The following SUCLG2 variants were observed in gnomAD, a reference collection of about 807,000 sequenced individuals.
SUCLG2 encodes the protein succinate--CoA ligase [GDP-forming] subunit beta, mitochondrial.
In SUCLG2, 42 loss-of-function variants were observed where a neutral mutation model predicts 47.9. The observed-to-expected ratio is 0.88, with a 90% confidence interval of 0.69 to 1.14. The LOEUF (loss-of-function observed/expected upper bound fraction) is 1.14. Ranked by LOEUF, SUCLG2 falls within the 50% of genes most tolerant of loss-of-function variation. The probability of loss-of-function intolerance (pLI) is 0.00; values close to 1 mark genes in which losing one functional copy is unlikely to be tolerated. For synonymous variants in SUCLG2, 195 were observed against 197.3 expected, an observed-to-expected ratio of 0.99 and a Z score of 0.10; for missense variants, 571 against 525.9, an observed-to-expected ratio of 1.09 and a Z score of -0.84.
intron 9 of SUCLG2, among the ~76,000 whole-genome samples, chr3:67,475,031 G>C (rs1380956125): frequency 6.6e-6 from 1 of 150,780 alleles, no homozygotes; most frequent in Non-Finnish European, 1.5e-5. Context: ...GAAAAATCAT[G>C]CTTCCCAGAA....
chr3:67,617,154 A>T (rs905249370), intron 1 of SUCLG2, among the ~76,000 whole-genome samples: 1 of 152,240 alleles, frequency 6.6e-6, no homozygotes, highest in African/African-American at 2.4e-5. Context: ...TCTCAATATA[A>T]GTGTCATAAA....
In SUCLG2 at chr3:67,544,969, C is replaced by T. The variant is rs921667433; in HGVS notation, c.227-15783G>A. Among the ~76,000 whole-genome samples the T allele has an allele frequency of 6.6e-5, 10 of 152,210 alleles. No homozygotes were observed. In the East Asian group the frequency reaches 1.9e-3, roughly 29 times the overall value. On this transcript the variant is annotated intron_variant, in intron 2 of 10. Transcript: ENST00000307227. The stretch of plus-strand genomic sequence containing the variant: ...TTTGTTAAATTTAGATATTTTACCC[C>T]AAATACTTTTAAGAGCTCTAATAAT...
intron 9 of SUCLG2, among the ~76,000 whole-genome samples, chr3:67,439,488 T>C (rs573698877): frequency 1.3e-4 from 20 of 152,298 alleles, no homozygotes; most frequent in Admixed American, 8.5e-4. Flanking sequence ...GAAAACCCCA[T>C]TGTCTCAGCC....
chr3:67,609,687 G>T, intron 1 of SUCLG2, 91 bp from the exon 2 acceptor site: 2 of 1,245,098 alleles, frequency 1.6e-6, no homozygotes, highest in South Asian at 1.8e-5. Context: ...AGGTACTGTT[G>T]ACTGGCAATC....
chr3:67,620,393 T>C (rs1051070359), intron 1 of SUCLG2, among the ~76,000 whole-genome samples: 2 of 152,028 alleles, frequency 1.3e-5, no homozygotes, highest in African/African-American at 2.4e-5. Context: ...AAGACCAGCA[T>C]GGCCCACATG....
At chr3:67,623,953 G>A (rs1700779536) in intron 1 of SUCLG2, among the ~76,000 whole-genome samples, 1 of 152,136 alleles carries the variant, frequency 6.6e-6, no homozygotes, top group East Asian at 1.9e-4. Context: ...CTGTCTCACA[G>A]GGCCCTGCTA....
At chr3:67,385,758 T>G (rs1364669916) in intron 10 of SUCLG2, among the ~76,000 whole-genome samples, 1 of 152,244 alleles carries the variant, frequency 6.6e-6, no homozygotes, top group African/African-American at 2.4e-5. Context: ...TCTTTGGTGA[T>G]GAAGGTAATA....
At chr3:67,596,953 T>C (rs1257458917) in intron 2 of SUCLG2, among the ~76,000 whole-genome samples, 1 of 152,074 alleles carries the variant, frequency 6.6e-6, no homozygotes, top group African/African-American at 2.4e-5. Context: ...TATCCAAAGA[T>C]CCTATAACTG....
intron 9 of SUCLG2, among the ~76,000 whole-genome samples, chr3:67,456,173 C>G (rs750910657): frequency 2.6e-5 from 4 of 152,108 alleles, no homozygotes; most frequent in Non-Finnish European, 5.9e-5. Context: ...GTGGGACTTC[C>G]GGGATTCAGC....
At chr3:67,617,055 T>C (rs1258983384) in intron 1 of SUCLG2, among the ~76,000 whole-genome samples, 10 of 152,188 alleles carry the variant, frequency 6.6e-5, no homozygotes, top group Admixed American at 6.5e-4. Context: ...TTAGCACCGA[T>C]AAATCTACCT....
chr3:67,501,222 A>G (rs1705487841), intron 7 of SUCLG2, among the ~76,000 whole-genome samples: 1 of 152,214 alleles, frequency 6.6e-6, no homozygotes, highest in Admixed American at 6.5e-5. Context: ...TAATTTATTT[A>G]GAGGACTTAG....
At chr3:67,529,611 G>T (rs1409903403) in intron 2 of SUCLG2, among the ~76,000 whole-genome samples, 1 of 152,174 alleles carries the variant, frequency 6.6e-6, no homozygotes, top group Admixed American at 6.5e-5. Flanking sequence ...ATTATGCGGG[G>T]GAAGGTTTAA....
intron 10 of SUCLG2, among the ~76,000 whole-genome samples, chr3:67,396,975 C>T (rs1375520911): frequency 6.6e-6 from 1 of 151,772 alleles, no homozygotes; most frequent in African/African-American, 2.4e-5. Context: ...TTCAACAACC[C>T]TTCATGCTAA....
At chr3:67,502,983 C>T (rs1447526442) in intron 7 of SUCLG2, among the ~76,000 whole-genome samples, 1 of 152,136 alleles carries the variant, frequency 6.6e-6, no homozygotes, top group Non-Finnish European at 1.5e-5. Flanking sequence ...TACAGAATAG[C>T]TCCAAATGAA....
At chr3:67,400,375 CA>C (rs1229066836) in intron 10 of SUCLG2, among the ~76,000 whole-genome samples, 1 of 151,760 alleles carries the variant, frequency 6.6e-6, no homozygotes, top group African/African-American at 2.4e-5. Flanking sequence ...AAATATAAGC[CA>C]AAAAACCAAA....
chr3:67,594,912 AC>A (rs1708259021), intron 2 of SUCLG2, among the ~76,000 whole-genome samples: 1 of 152,222 alleles, frequency 6.6e-6, no homozygotes, highest in Admixed American at 6.5e-5. Flanking sequence ...AGAAAGAATT[AC>A]ACCAGATTTT....
intron 2 of SUCLG2, among the ~76,000 whole-genome samples, chr3:67,529,397 C>T (rs916964112): frequency 3.3e-5 from 5 of 152,172 alleles, no homozygotes; most frequent in African/African-American, 1.2e-4. Flanking sequence ...CAAATGCTTC[C>T]TACCAGTTTA....
chr3:67,410,731 G>A (rs947821467), intron 9 of SUCLG2, among the ~76,000 whole-genome samples: 2 of 151,518 alleles, frequency 1.3e-5, no homozygotes, highest in African/African-American at 4.9e-5. Context: ...TTTCATAAAG[G>A]GGCATCAAAA....
In SUCLG2 at chr3:67,584,462, T is replaced by C. The variant is rs566447635; in HGVS notation, c.226+24993A>G. On this transcript the variant is annotated intron_variant, in intron 2 of 10. Coordinates refer to ENST00000307227, the MANE Select transcript of SUCLG2 (RefSeq NM_003848.4). ...TTTTAAAACTGGACTACAGTGATGGTTATATAACTTGGTAAATTTACTAAA... is the reference window on the plus strand; with the variant it reads ...TTTTAAAACTGGACTACAGTGATGGCTATATAACTTGGTAAATTTACTAAA... 1.8e-4 allele frequency among the ~76,000 whole-genome samples: 28 copies of C among 152,276 alleles called. 1 individual carries two copies. The South Asian group carries it at 5.6e-3, about 30-fold the overall frequency.
Sources: gnomAD v4.1 joint callset for allele counts (sites outside exome capture counted in the v4.1 genomes callset) on GRCh38, gnomAD v4.1.1 for gene constraint, MANE v1.5 for transcripts, NCBI Gene and HGNC (gene_info 2026-07-23, HGNC 2026-07-21) for gene names.